Variants in TFCP2 observed in about 807,000 individuals in gnomAD.
The protein encoded by TFCP2 is alpha-globin transcription factor CP2.
Under a neutral mutation model 73.4 loss-of-function variants are expected in TFCP2, and 33 were observed. The ratio of observed to expected loss-of-function variants is 0.45; its 90% CI spans 0.34 to 0.60. TFCP2 has a LOEUF of 0.60. Ranked by LOEUF, TFCP2 falls within the 20% of genes least tolerant of loss-of-function variation. The probability of loss-of-function intolerance (pLI) is 0.01; values close to 1 mark genes in which losing one functional copy is unlikely to be tolerated. For missense variants in TFCP2, 352 were observed against 604.0 expected (o/e 0.58, Z 4.37); for synonymous variants, 193 against 211.6 (o/e 0.91, Z 0.76).
intron 1 of TFCP2, among the ~76,000 whole-genome samples, chr12:51,140,007 A>G (rs1941151849): frequency 6.6e-6 from 1 of 152,186 alleles, no homozygotes; most frequent in African/African-American, 2.4e-5. Flanking sequence ...GCCTGGAACT[A>G]TTTCAGGCAG....
chr12:51,095,700 G>A (rs982893552), intron 14 of TFCP2, among the ~76,000 whole-genome samples: 1 of 150,336 alleles, frequency 6.7e-6, no homozygotes, highest in Non-Finnish European at 1.5e-5. Context: ...TGTAATCCCA[G>A]CTACTTGGGA....
chr12:51,102,053 TAAAGGC>T, intron 10 of TFCP2, 28 bp from the exon 11 acceptor site: 1 of 1,463,496 alleles, frequency 6.8e-7, no homozygotes, highest in Non-Finnish European at 9.6e-7. Context: ...AAATGGATGA[TAAAGGC>T]AAAGATTCTC....
chr12:51,160,567 C>T (rs991171398), intron 1 of TFCP2, among the ~76,000 whole-genome samples: 6 of 151,732 alleles, frequency 4.0e-5, no homozygotes, highest in African/African-American at 9.7e-5. Flanking sequence ...AGTGTGTGTG[C>T]GCGCATACAC....
chr12:51,153,474 T>C (rs545675885), intron 1 of TFCP2, among the ~76,000 whole-genome samples: 23 of 152,124 alleles, frequency 1.5e-4, no homozygotes, highest in Non-Finnish European at 3.1e-4. Context: ...AGTATACACG[T>C]CAGTGCTATT....
rs112507324 is a variant in TFCP2, at chr12:51,137,895, C to T, written c.123-19123G>A. On this transcript the variant is annotated intron_variant, in intron 1 of 14. Coordinates refer to ENST00000257915, the MANE Select transcript of TFCP2 (RefSeq NM_005653.5). ...GTGCTGAGCCTCAAAGCTTCTTTTC[C>T]GATCCAAAATGTCTACCAGCTCATG... Among the ~76,000 whole-genome samples, 977 of 152,230 alleles carry T rather than the reference C, an allele frequency of 6.4e-3. 7 individuals are homozygous for T. The highest frequency in any genetic ancestry group is 0.022 in the African/African-American group (904 of 41,542).
chr12:51,148,551 T>G (rs1941347354), intron 1 of TFCP2, among the ~76,000 whole-genome samples: 1 of 151,214 alleles, frequency 6.6e-6, no homozygotes, highest in African/African-American at 2.4e-5. Context: ...AATACAAAAA[T>G]CAGCCAGGCG....
intron 1 of TFCP2, among the ~76,000 whole-genome samples, chr12:51,160,849 A>G (rs559625364): frequency 6.6e-6 from 1 of 152,314 alleles, no homozygotes; most frequent in East Asian, 1.9e-4. Flanking sequence ...TCCCTGTGGT[A>G]ACCAACTGTT....
intron 10 of TFCP2, among the ~76,000 whole-genome samples, chr12:51,102,731 A>G (rs1297046703): frequency 6.6e-6 from 1 of 152,110 alleles, no homozygotes; most frequent in African/African-American, 2.4e-5. Flanking sequence ...TCAAAAAATA[A>G]ATATATAAAT....
At chr12:51,148,274 C>A (rs1266226034) in intron 1 of TFCP2, among the ~76,000 whole-genome samples, 1 of 152,104 alleles carries the variant, frequency 6.6e-6, no homozygotes, top group Admixed American at 6.5e-5. Flanking sequence ...TCCAGCAATC[C>A]CACTGCTGGG....
chr12:51,107,047 A>G (rs531686314), intron 7 of TFCP2, 189 bp downstream of exon 7: 2 of 624,824 alleles, frequency 3.2e-6, no homozygotes, highest in East Asian at 5.6e-5. Flanking sequence ...TAACTTGGAC[A>G]CAGAGACAGT....
In TFCP2 at chr12:51,172,254, C is replaced by G. The variant is rs935726485; in HGVS notation, c.122+47G>C. 7 of 1,606,846 alleles carry G rather than the reference C, an allele frequency of 4.4e-6. No homozygotes were observed. In the Admixed American group the frequency reaches 1.2e-4, roughly 27 times the overall value. On this transcript the variant is annotated intron_variant, in intron 1 of 14. Transcript: ENST00000257915. ...TCAACCCCTTTTCTTAGTGTCTATC[C>G]GCCTTTGTTATTCAGAAGGTGTAGG...
At chr12:51,167,825 C>T (rs752078922) in intron 1 of TFCP2, among the ~76,000 whole-genome samples, 2 of 152,064 alleles carry the variant, frequency 1.3e-5, no homozygotes, top group African/African-American at 4.8e-5. Flanking sequence ...ATTTGGGAGG[C>T]CAAGGTGGGA....
intron 14 of TFCP2, 73 bp downstream of exon 14, chr12:51,095,916 A>T: frequency 8.5e-7 from 1 of 1,181,230 alleles, no homozygotes; most frequent in Non-Finnish European, 1.2e-6. Flanking sequence ...CTCTCCTCAA[A>T]GAAGTATGTA....
chr12:51,158,609 C>G (rs1269839972), intron 1 of TFCP2, among the ~76,000 whole-genome samples: 2 of 151,430 alleles, frequency 1.3e-5, no homozygotes, highest in Non-Finnish European at 2.9e-5. Flanking sequence ...CTGCCTCGGC[C>G]TCCCGAGTAG....
At chr12:51,122,849 G>A (rs958852582) in intron 1 of TFCP2, among the ~76,000 whole-genome samples, 61 of 152,134 alleles carry the variant, frequency 4.0e-4, no homozygotes, top group African/African-American at 1.4e-3. Context: ...AGAAAATAAA[G>A]TAAAACACCA....
chr12:51,099,915 T>C, intron 11 of TFCP2, 136 bp from the exon 12 acceptor site: 1 of 1,093,316 alleles, frequency 9.1e-7, no homozygotes, highest in Non-Finnish European at 1.3e-6. Flanking sequence ...ATGCAATTAA[T>C]TTGCTATGTT....
At chr12:51,128,904 T>A (rs1940876619) in intron 1 of TFCP2, among the ~76,000 whole-genome samples, 1 of 152,168 alleles carries the variant, frequency 6.6e-6, no homozygotes, top group Non-Finnish European at 1.5e-5. Context: ...TAATCAACTT[T>A]TTAAGTAATT....
At chr12:51,143,723 A>C (rs1209121181) in intron 1 of TFCP2, among the ~76,000 whole-genome samples, 1 of 152,112 alleles carries the variant, frequency 6.6e-6, no homozygotes, top group Non-Finnish European at 1.5e-5. Context: ...CAGAATTCAA[A>C]CCCCTAAGTT....
At chr12:51,151,512 C>T (rs1405469622) in intron 1 of TFCP2, among the ~76,000 whole-genome samples, 1 of 151,828 alleles carries the variant, frequency 6.6e-6, no homozygotes, top group Non-Finnish European at 1.5e-5. Context: ...TCTCGGCTCA[C>T]TGCAAGCTCT....
Sources: gnomAD v4.1 joint callset for allele counts (sites outside exome capture counted in the v4.1 genomes callset) on GRCh38, gnomAD v4.1.1 for gene constraint, MANE v1.5 for transcripts, NCBI Gene and HGNC (gene_info 2026-07-23, HGNC 2026-07-21) for gene names.